Variants in ADORA2B observed in about 807,000 individuals in gnomAD.
ADORA2B encodes adenosine receptor A2b.
A neutral mutation model predicts 20.8 loss-of-function variants in ADORA2B; 18 were observed. That is an observed-to-expected ratio of 0.87 (90% confidence interval 0.60 to 1.29). The LOEUF is 1.29. Among genes scored for constraint, ADORA2B ranks in the 50% most tolerant of loss-of-function variants. ADORA2B has a pLI of 0.00. For synonymous variants in ADORA2B, 179 were observed against 178.3 expected, an observed-to-expected ratio of 1.00 and a Z score of -0.03; for missense variants, 441 against 422.7, an observed-to-expected ratio of 1.04 and a Z score of -0.38.
the ADORA2B span, among the ~76,000 whole-genome samples, chr17:15,869,366 A>G: frequency 6.6e-6 from 1 of 151,284 alleles, no homozygotes; most frequent in Non-Finnish European, 1.5e-5. Flanking sequence ...AAGCAAAACA[A>G]TAAAGTAGAA....
chr17:15,966,834 T>C (rs1241666617), intron 1 of ADORA2B, among the ~76,000 whole-genome samples: 1 of 152,224 alleles, frequency 6.6e-6, no homozygotes, highest in Admixed American at 6.5e-5. Flanking sequence ...GTGTTCACTT[T>C]TCAGTCGCCT....
At chr17:15,863,827 G>A in the ADORA2B span, among the ~76,000 whole-genome samples, 2 of 152,274 alleles carry the variant, frequency 1.3e-5, no homozygotes, top group African/African-American at 4.8e-5. Flanking sequence ...AAAACAAAAT[G>A]TAGCAAAACT....
intron 1 of ADORA2B, among the ~76,000 whole-genome samples, chr17:15,961,745 A>C (rs1250304002): frequency 6.6e-6 from 1 of 152,220 alleles, no homozygotes; most frequent in Non-Finnish European, 1.5e-5. Flanking sequence ...GTGAGAGGGT[A>C]AGAGAGGTGA....
chr17:15,912,052 A>T, the ADORA2B span, among the ~76,000 whole-genome samples: 1 of 152,190 alleles, frequency 6.6e-6, no homozygotes, highest in East Asian at 1.9e-4. Context: ...ATCTCTACTA[A>T]AAGTACAAAA....
chr17:15,960,834 C>G (rs1318904566), intron 1 of ADORA2B, among the ~76,000 whole-genome samples: 1 of 150,500 alleles, frequency 6.6e-6, no homozygotes, highest in Non-Finnish European at 1.5e-5. Flanking sequence ...CGAGATCATG[C>G]CACTGCACTC....
chr17:15,870,954 G>A, the ADORA2B span, among the ~76,000 whole-genome samples: 7 of 152,188 alleles, frequency 4.6e-5, no homozygotes, highest in African/African-American at 1.7e-4. Context: ...CTTCTGTGCC[G>A]TTTCTGACAC....
intron 1 of ADORA2B, among the ~76,000 whole-genome samples, chr17:15,965,616 C>T (rs1400312986): frequency 6.6e-6 from 1 of 152,184 alleles, no homozygotes; most frequent in Non-Finnish European, 1.5e-5. Context: ...TTTGCCTAGG[C>T]AAAGGAGGTG....
chr17:15,965,348 T>C (rs1000193074), intron 1 of ADORA2B, among the ~76,000 whole-genome samples: 3 of 152,114 alleles, frequency 2.0e-5, no homozygotes, highest in Non-Finnish European at 4.4e-5. Flanking sequence ...CCAGGCAGTG[T>C]TAGGTGTTTT....
the ADORA2B span, among the ~76,000 whole-genome samples, chr17:15,932,520 T>C: frequency 6.6e-6 from 1 of 151,866 alleles, no homozygotes; most frequent in East Asian, 1.9e-4. Context: ...AAAGAAATTG[T>C]TGCCCAAGGT....
intron 1 of ADORA2B, among the ~76,000 whole-genome samples, chr17:15,947,588 G>A (rs941817869): frequency 1.3e-5 from 2 of 152,176 alleles, no homozygotes; most frequent in Non-Finnish European, 2.9e-5. Flanking sequence ...TGGAGGTCTG[G>A]AAGAGGTGCA....
At chr17:15,874,155 A>T in the ADORA2B span, among the ~76,000 whole-genome samples, 1,602 of 151,462 alleles carry the variant, frequency 0.011, 35 homozygotes, top group African/African-American at 0.037. Context: ...AATGAATGAA[A>T]TAATGTCTTT....
upstream of ADORA2B, among the ~76,000 whole-genome samples, chr17:15,943,224 TAGG>T (rs1386762034): frequency 9.2e-5 from 14 of 152,338 alleles, no homozygotes; most frequent in Admixed American, 9.1e-4. Context: ...CCCACCCAGC[TAGG>T]AGGTCTACTG....
chr17:15,914,103 A>G, the ADORA2B span, among the ~76,000 whole-genome samples: 1 of 152,226 alleles, frequency 6.6e-6, no homozygotes, highest in South Asian at 2.1e-4. Flanking sequence ...GGCAAGGAGG[A>G]AAATGAGCCA....
chr17:15,911,907 A>T, the ADORA2B span, among the ~76,000 whole-genome samples: 7 of 152,142 alleles, frequency 4.6e-5, no homozygotes, highest in South Asian at 2.1e-4. Context: ...CTGCAAGAAA[A>T]TTTTTTTAAA....
the ADORA2B span, among the ~76,000 whole-genome samples, chr17:15,898,111 A>G: frequency 6.6e-6 from 1 of 152,178 alleles, no homozygotes; most frequent in African/African-American, 2.4e-5. Context: ...GAGTGAGGAA[A>G]CTTACACATC....
intron 1 of ADORA2B, among the ~76,000 whole-genome samples, chr17:15,955,552 A>G (rs1250331608): frequency 1.3e-5 from 2 of 151,378 alleles, no homozygotes; most frequent in Non-Finnish European, 1.5e-5. Context: ...GACTACAGGC[A>G]TGTACCACCA....
chr17:15,973,010 C>T (rs1308603298), intron 1 of ADORA2B, among the ~76,000 whole-genome samples: 1 of 152,162 alleles, frequency 6.6e-6, no homozygotes, highest in Non-Finnish European at 1.5e-5. Context: ...TTGAAGATGA[C>T]CAAAAAATTT....
the ADORA2B span, among the ~76,000 whole-genome samples, chr17:15,867,687 G>A: frequency 3.0e-4 from 44 of 148,168 alleles, no homozygotes; most frequent in African/African-American, 9.9e-4. Context: ...TCAGCCCCCC[G>A]CCCGGCCAGC....
chr17:15,951,850 G>A (rs186442412), intron 1 of ADORA2B, among the ~76,000 whole-genome samples: 182 of 152,316 alleles, frequency 1.2e-3, no homozygotes, highest in African/African-American at 3.7e-3. Flanking sequence ...GAAGGAGGCC[G>A]GGAAGGAGGG....
Sources: gnomAD v4.1 joint callset for allele counts (sites outside exome capture counted in the v4.1 genomes callset) on GRCh38, gnomAD v4.1.1 for gene constraint, MANE v1.5 for transcripts, NCBI Gene and HGNC (gene_info 2026-07-23, HGNC 2026-07-21) for gene names.